CHMP7: variants seen among roughly 807,000 people sequenced by gnomAD.
CHMP7 encodes charged multivesicular body protein 7.
CHMP7 carries 15 observed loss-of-function variants against 53.7 expected under a neutral mutation model. The observed-to-expected ratio is 0.28, with a 90% CI of 0.19 to 0.43. The LOEUF (loss-of-function observed/expected upper bound fraction) is 0.43, where lower values mean the gene tolerates loss of function less well. Ranked by LOEUF, CHMP7 falls within the 20% of genes least tolerant of loss-of-function variation. The pLI is 1.00. For missense variants in CHMP7, 527 were observed against 569.4 expected (o/e 0.93, Z 0.76); for synonymous variants, 261 against 228.0 (o/e 1.14, Z -1.30).
At chr8:23,260,345 C>T (rs760034403) in intron 10 of CHMP7, 22 bp downstream of exon 10, 2 of 1,612,836 alleles carry the variant, frequency 1.2e-6, no homozygotes, top group African/African-American at 2.7e-5. Context: ...TTTTCCAAGG[C>T]CTTTGGAGGG....
chr8:23,255,485 A>G (rs540436626), intron 4 of CHMP7, 53 bp downstream of exon 4: 5 of 1,544,922 alleles, frequency 3.2e-6, no homozygotes, highest in African/African-American at 1.4e-5. Context: ...GATTAAGTAC[A>G]TAGAGTAGTG....
chr8:23,246,116 TTATTA>T (rs1297355192), intron 1 of CHMP7, 135 bp from the exon 2 acceptor site: 1 of 150,508 alleles, frequency 6.6e-6, no homozygotes. Flanking sequence ...TCTGCTCTTT[TTATTA>T]TTTTTTCTCT....
intron 5 of CHMP7, among the ~76,000 whole-genome samples, chr8:23,257,239 A>G (rs913197031): frequency 6.6e-6 from 1 of 151,558 alleles, no homozygotes. Context: ...TGGGACCACA[A>G]GTGTGCACCA....
At chr8:23,255,540 C>A in intron 4 of CHMP7, 108 bp downstream of exon 4, 2 of 915,114 alleles carry the variant, frequency 2.2e-6, no homozygotes, top group Non-Finnish European at 3.5e-6. Context: ...AGTAACCTGC[C>A]GTCAACCACG....
intron 9 of CHMP7, chr8:23,259,908 A>G (rs1222190082): frequency 1.1e-5 from 5 of 469,076 alleles, no homozygotes; most frequent in Non-Finnish European, 1.9e-5. Flanking sequence ...GGCAGTGGGA[A>G]TCAGGGTCAG....
intron 3 of CHMP7, among the ~76,000 whole-genome samples, 183 bp downstream of exon 3, chr8:23,249,564 A>G (rs1270600420): frequency 6.6e-6 from 1 of 152,182 alleles, no homozygotes; most frequent in East Asian, 1.9e-4. Context: ...GGACTTGTAC[A>G]TTTCAAGGGG....
At chr8:23,248,998 A>G (rs953165870) in intron 2 of CHMP7, among the ~76,000 whole-genome samples, 20 of 152,172 alleles carry the variant, frequency 1.3e-4, no homozygotes, top group African/African-American at 4.8e-4. Flanking sequence ...ATTCGTTAAA[A>G]TGCTCATAAT....
At chr8:23,249,427 C>T (rs373847628) in intron 3 of CHMP7, 46 bp downstream of exon 3, 338 of 1,461,990 alleles carry the variant, frequency 2.3e-4, no homozygotes, top group Non-Finnish European at 2.9e-4. Context: ...GGTGTGATCA[C>T]AGCATCCTCC....
At chr8:23,258,857 CACAG>C in intron 8 of CHMP7, 27 bp downstream of exon 8, 1 of 1,470,748 alleles carries the variant, frequency 6.8e-7, no homozygotes, top group Admixed American at 1.7e-5. Context: ...GGGAGGGACA[CACAG>C]AGAAGGAGGT....
At chr8:23,258,562 G>T in intron 7 of CHMP7, 113 bp downstream of exon 7, 1 of 1,472,644 alleles carries the variant, frequency 6.8e-7, no homozygotes, top group Non-Finnish European at 9.4e-7. Flanking sequence ...GATGTGGCTG[G>T]GGTTGCCTTT....
At chr8:23,254,628 T>TG (rs990780032) in intron 3 of CHMP7, among the ~76,000 whole-genome samples, 4 of 152,126 alleles carry the variant, frequency 2.6e-5, no homozygotes, top group Admixed American at 2.0e-4. Context: ...CTCGAACTCC[T>TG]GACCTCAGGT....
chr8:23,260,387 G>GC (rs1314242003), intron 10 of CHMP7, 64 bp downstream of exon 10: 2 of 1,586,388 alleles, frequency 1.3e-6, no homozygotes, highest in African/African-American at 2.7e-5. Context: ...GAGTTGATGG[G>GC]CCCAAGCCCA....
In CHMP7 at chr8:23,261,481, G is replaced by A. The variant is rs1802388601; in HGVS notation, c.*882G>A. 1.3e-5 allele frequency: 2 copies of A among 152,824 alleles called. No homozygotes were observed. Among genetic ancestry groups the A allele is most frequent in the Admixed American group, 1.3e-4 (2 of 15,292 alleles). The allele number at this position is 152,824 out of a possible 1,614,324, so 9.5% of individuals were successfully genotyped here. A position where few individuals can be genotyped will look rare whatever the true frequency, so the allele number is the denominator to read the frequency against. On this transcript the variant is annotated 3_prime_UTR_variant, in exon 11 of 11. Transcript: ENST00000397677. ...ACACAACAACACACCTCCCCTCCTT[G>A]AGCCTGGCACACAGCACCGGGCTCT...
intron 4 of CHMP7, among the ~76,000 whole-genome samples, chr8:23,255,771 CTTT>C (rs56174372): frequency 3.0e-5 from 4 of 133,018 alleles, no homozygotes; most frequent in Non-Finnish European, 3.1e-5. Flanking sequence ...CCTTATTGTA[CTTT>C]TTTTTTTTTT....
chr8:23,260,377 G>C, intron 10 of CHMP7, 54 bp downstream of exon 10: 1 of 1,597,428 alleles, frequency 6.3e-7, no homozygotes. Context: ...CTGGCTGACA[G>C]AGTTGATGGG....
chr8:23,259,902 G>C, intron 9 of CHMP7: 1 of 464,974 alleles, frequency 2.2e-6, no homozygotes, highest in South Asian at 2.7e-5. Flanking sequence ...TTCAAGGGCA[G>C]TGGGAATCAG....
chr8:23,256,131 G>A (rs1802115564), intron 4 of CHMP7, among the ~76,000 whole-genome samples: 1 of 152,120 alleles, frequency 6.6e-6, no homozygotes, highest in South Asian at 2.1e-4. Flanking sequence ...AAAGAGAAGC[G>A]GTCAAGTGCT....
Position 23,246,820 on chromosome 8 carries a change from G to T in CHMP7, c.125G>T (p.Arg42Leu). 1.3e-6 allele frequency: 2 copies of T among 1,598,092 alleles called. No homozygotes were observed. The highest frequency in any genetic ancestry group is 1.7e-6 in the Non-Finnish European group (2 of 1,172,738). Residue 42 changes from arginine to leucine, a missense_variant, in exon 2 of 11, where the codon CGC becomes CTC. Coordinates refer to ENST00000397677, the MANE Select transcript of CHMP7 (RefSeq NM_152272.5). ...SFLFSAFKRS[R>L]EVNSTDWDSK... ...CTGTTCTCCGCTTTCAAGAGGAGTC[G>T]CGAGGTGAACAGCACCGACTGGGAC...
At chr8:23,256,821 C>G (rs2128859576) in intron 5 of CHMP7, 2 of 204,624 alleles carry the variant, frequency 9.8e-6, no homozygotes, top group South Asian at 1.6e-4. Context: ...GAGACGGAGT[C>G]TCGCTCTGTC....
Sources: allele counts gnomAD v4.1 joint callset (sites outside exome capture counted in the v4.1 genomes callset), GRCh38; gene constraint gnomAD v4.1.1; transcripts MANE v1.5; gene names NCBI Gene and HGNC (gene_info 2026-07-23, HGNC 2026-07-21).